The following UNC5B variants were observed in gnomAD, a reference collection of about 807,000 sequenced individuals.
UNC5B encodes the protein unc-5 netrin receptor B.
A neutral mutation model predicts 103.7 loss-of-function variants in UNC5B; 56 were observed. That is an observed-to-expected ratio of 0.54 (90% CI 0.44 to 0.67). The LOEUF (loss-of-function observed/expected upper bound fraction) is 0.67, where lower values mean the gene tolerates loss of function less well. Ranked by LOEUF, UNC5B falls within the 30% of genes least tolerant of loss-of-function variation. The probability of loss-of-function intolerance (pLI) is 0.00; values close to 1 mark genes in which losing one functional copy is unlikely to be tolerated. For missense variants in UNC5B, 1,194 were observed against 1,284.5 expected (o/e 0.93, Z 1.08); for synonymous variants, 577 against 542.0 (o/e 1.06, Z -0.90).
chr10:71,214,504 C>T (rs564931133), intron 1 of UNC5B, among the ~76,000 whole-genome samples: 1 of 152,148 alleles, frequency 6.6e-6, no homozygotes, highest in African/African-American at 2.4e-5. Flanking sequence ...GAATGTCCAA[C>T]CTTGTTTTAA....
At chr10:71,269,354 C>CCA (rs1844594595) in intron 1 of UNC5B, among the ~76,000 whole-genome samples, 1 of 145,398 alleles carries the variant, frequency 6.9e-6, no homozygotes. Flanking sequence ...CCCCCCCCCA[C>CCA]AACTTCTCCT....
At chr10:71,231,401 A>G (rs996457152) in intron 1 of UNC5B, among the ~76,000 whole-genome samples, 23 of 152,270 alleles carry the variant, frequency 1.5e-4, no homozygotes, top group African/African-American at 4.8e-4. Flanking sequence ...CTCGGCTCCA[A>G]TGGCCCCTCC....
chr10:71,272,456 G>A (rs139782056), intron 1 of UNC5B, among the ~76,000 whole-genome samples: 2,859 of 152,262 alleles, frequency 0.019, 41 homozygotes, highest in Non-Finnish European at 0.029. Context: ...CTCCCTCTGA[G>A]GTCTCCGCCC....
chr10:71,281,215 C>T (rs1280697101), intron 2 of UNC5B, among the ~76,000 whole-genome samples: 4 of 152,092 alleles, frequency 2.6e-5, no homozygotes, highest in Non-Finnish European at 4.4e-5. Context: ...GGTCACTGAA[C>T]CATATGCTTA....
chr10:71,260,030 C>A (rs1348008294), intron 1 of UNC5B, among the ~76,000 whole-genome samples: 1 of 152,170 alleles, frequency 6.6e-6, no homozygotes, highest in Non-Finnish European at 1.5e-5. Context: ...CAGGCAGGAG[C>A]TTCATCATGG....
At chr10:71,286,544 C>A in intron 4 of UNC5B, 145 bp from the exon 5 acceptor site, 2 of 1,052,976 alleles carry the variant, frequency 1.9e-6, no homozygotes, top group Non-Finnish European at 2.8e-6. Context: ...AACCCCAGAG[C>A]TGTACAGTGT....
chr10:71,296,109 C>A, intron 14 of UNC5B, 149 bp downstream of exon 14: 1 of 1,218,680 alleles, frequency 8.2e-7, no homozygotes, highest in Non-Finnish European at 1.1e-6. Context: ...CCACCCCAGT[C>A]TCTAGGCTTT....
chr10:71,280,888 TCAGGG>T lies in UNC5B; in HGVS notation c.304+844_304+848del, dbSNP rs534573089. Among the ~76,000 whole-genome samples, 44 of 152,356 alleles carry T rather than the reference TCAGGG, an allele frequency of 2.9e-4. No homozygotes were observed. In the South Asian group the frequency reaches 9.1e-3, roughly 32 times the overall value. ...CTGACAGAGCCAGCCTACCCCAGAC[TCAGGG>T]GGCTCCCGAGTAGCCTTCCTGGGTT... On this transcript the variant is annotated intron_variant, in intron 2 of 16. Transcript: ENST00000335350.
In UNC5B at chr10:71,236,270, G is replaced by A. The variant is rs190215799; in HGVS notation, c.79+23206G>A. Reference sequence around the variant, plus strand: ...AGGACTGGGCAAAGCCTGGGCAGTTGAGTTCCCCTCTGTGAGAATGTGCTT... The same window carrying A: ...AGGACTGGGCAAAGCCTGGGCAGTTAAGTTCCCCTCTGTGAGAATGTGCTT... On this transcript the variant is annotated intron_variant, in intron 1 of 16. Coordinates refer to ENST00000335350, the MANE Select transcript of UNC5B (RefSeq NM_170744.5). 4.5e-3 allele frequency among the ~76,000 whole-genome samples: 690 copies of A among 152,342 alleles called. 6 individuals carry two copies. Among genetic ancestry groups the A allele is most frequent in the African/African-American group, 0.015 (633 of 41,576 alleles).
Position 71,284,725 on chromosome 10 carries a change from C to T in UNC5B, c.310C>T (p.Arg104Trp), listed in dbSNP as rs766300696. ...GCTCTCTCTTCTCCTCCCAGGCCTG[C>T]GGGTGCGCGAGGTGCAGATCGAGGT... ...QEGLDEATGL[R>W]VREVQIEVSR... Residue 104 changes from arginine (R) to tryptophan (W), a missense_variant, in exon 3 of 17, where the codon CGG becomes TGG. Coordinates refer to ENST00000335350, the MANE Select transcript of UNC5B (RefSeq NM_170744.5). The T allele has an allele frequency of 2.4e-5, 39 of 1,613,556 alleles. No homozygotes were observed. The highest frequency in any genetic ancestry group is 3.2e-5 in the Non-Finnish European group (38 of 1,180,004).
At chr10:71,252,997 A>G (rs1369316953) in intron 1 of UNC5B, among the ~76,000 whole-genome samples, 2 of 152,314 alleles carry the variant, frequency 1.3e-5, no homozygotes, top group South Asian at 2.1e-4. Flanking sequence ...CACAAGCCCC[A>G]GGACCTGTGT....
intron 1 of UNC5B, among the ~76,000 whole-genome samples, chr10:71,249,692 G>A (rs1406770291): frequency 6.6e-6 from 1 of 152,210 alleles, no homozygotes; most frequent in Non-Finnish European, 1.5e-5. Flanking sequence ...GCACAGAGCA[G>A]GTAGAAGGCA....
At chr10:71,283,077 G>A (rs1167208787) in intron 2 of UNC5B, among the ~76,000 whole-genome samples, 4 of 152,006 alleles carry the variant, frequency 2.6e-5, no homozygotes, top group East Asian at 1.9e-4. Flanking sequence ...CCGAGATTGC[G>A]CCGCTGCACT....
chr10:71,229,433 A>G (rs1454979248), intron 1 of UNC5B, among the ~76,000 whole-genome samples: 1 of 152,094 alleles, frequency 6.6e-6, no homozygotes, highest in African/African-American at 2.4e-5. Flanking sequence ...TGTTTATTAC[A>G]CCCTTGACAG....
At chr10:71,243,607 G>C (rs1843956986) in intron 1 of UNC5B, among the ~76,000 whole-genome samples, 1 of 152,216 alleles carries the variant, frequency 6.6e-6, no homozygotes, top group Non-Finnish European at 1.5e-5. Context: ...TTCTCAGCCA[G>C]GGTTAGTTCC....
rs868634720 is a variant in UNC5B, at chr10:71,287,705, G to A, written c.841G>A (p.Gly281Arg). 19 of 1,612,798 alleles carry A rather than the reference G, an allele frequency of 1.2e-5. No individual in the cohort carries two copies. Among genetic ancestry groups the A allele is most frequent in the African/African-American group, 5.3e-5 (4 of 74,870 alleles). The change falls in exon 6 of 17, where the codon GGA becomes AGA. Residue 281 changes from glycine (G) to arginine (R), a missense_variant. By Grantham distance (125) the Gly-to-Arg change is moderately radical. Transcript: ENST00000335350. ...CTGCACCAACCCCGCTCCACTCAAC[G>A]GAGGGGCCTTCTGCGAGGGCCAGGC... is the stretch of plus-strand genomic sequence containing the variant. ...RTCTNPAPLN[G>R]GAFCEGQAFQ...
At chr10:71,232,021 T>G (rs1843693448) in intron 1 of UNC5B, among the ~76,000 whole-genome samples, 1 of 152,242 alleles carries the variant, frequency 6.6e-6, no homozygotes. Flanking sequence ...AAGCCACTTG[T>G]TCCACACAGC....
chr10:71,280,096 G>A, intron 2 of UNC5B, 51 bp downstream of exon 2: 1 of 1,591,062 alleles, frequency 6.3e-7, no homozygotes, highest in Non-Finnish European at 8.6e-7. Flanking sequence ...AGGCCCAGAG[G>A]CACAGGCCTA....
intron 1 of UNC5B, among the ~76,000 whole-genome samples, chr10:71,234,013 G>T (rs1843729514): frequency 6.6e-6 from 1 of 152,252 alleles, no homozygotes; most frequent in Non-Finnish European, 1.5e-5. Flanking sequence ...TGCAAGTACA[G>T]TTATATGTGT....
Sources: gnomAD v4.1 joint callset for allele counts (sites outside exome capture counted in the v4.1 genomes callset) on GRCh38, gnomAD v4.1.1 for gene constraint, MANE v1.5 for transcripts, NCBI Gene and HGNC (gene_info 2026-07-23, HGNC 2026-07-21) for gene names.